Variants in TNFSF4 observed in about 807,000 individuals in gnomAD.
TNFSF4 encodes the protein TNF superfamily member 4, also known as tumor necrosis factor ligand superfamily member 4.
A neutral mutation model predicts 7.3 loss-of-function variants in TNFSF4; 4 were observed. That is an observed-to-expected ratio of 0.55 (90% CI 0.27 to 1.25). The LOEUF is 1.25. Ranked by LOEUF, TNFSF4 falls within the 50% of genes most tolerant of loss-of-function variation. TNFSF4 has a pLI of 0.12. For synonymous variants in TNFSF4, 76 were observed against 83.7 expected (o/e 0.91, Z 0.50); for missense variants, 181 against 208.8 (o/e 0.87, Z 0.82).
the TNFSF4 span, among the ~76,000 whole-genome samples, chr1:173,395,389 T>C: frequency 1.3e-5 from 1 of 74,850 alleles, no homozygotes; most frequent in Non-Finnish European, 2.7e-5. Flanking sequence ...TATATATATA[T>C]ATATATATAT....
the TNFSF4 span, among the ~76,000 whole-genome samples, chr1:173,425,281 A>G: frequency 1.3e-5 from 2 of 152,230 alleles, no homozygotes; most frequent in Admixed American, 6.5e-5. Context: ...AGTGCTCCAT[A>G]AGAATAGCTG....
At chr1:173,229,095 C>T in the TNFSF4 span, among the ~76,000 whole-genome samples, 1 of 152,146 alleles carries the variant, frequency 6.6e-6, no homozygotes. Context: ...CAAAGATACT[C>T]CTCAAGAAGA....
At chr1:173,356,311 T>G in the TNFSF4 span, among the ~76,000 whole-genome samples, 32 of 152,204 alleles carry the variant, frequency 2.1e-4, no homozygotes, top group African/African-American at 7.7e-4. Flanking sequence ...AATTCCATTT[T>G]GATGAGAAGG....
At chr1:173,323,574 G>A in the TNFSF4 span, among the ~76,000 whole-genome samples, 2 of 152,194 alleles carry the variant, frequency 1.3e-5, no homozygotes, top group East Asian at 3.8e-4. Flanking sequence ...TGAGCTAAAG[G>A]AGGAAGTTCG....
At chr1:173,290,510 G>C in the TNFSF4 span, among the ~76,000 whole-genome samples, 50 of 152,262 alleles carry the variant, frequency 3.3e-4, no homozygotes, top group Non-Finnish European at 5.4e-4. Context: ...ATTACATAAT[G>C]ATAAAGAGTT....
the TNFSF4 span, among the ~76,000 whole-genome samples, chr1:173,280,579 A>G: frequency 3.9e-5 from 6 of 152,166 alleles, no homozygotes; most frequent in Non-Finnish European, 8.8e-5. Context: ...AACAACGACA[A>G]GTTAGTTTTT....
At chr1:173,210,436 G>C (rs534554998), upstream of TNFSF4, among the ~76,000 whole-genome samples, 4 of 152,196 alleles carry the variant, frequency 2.6e-5, no homozygotes, top group Non-Finnish European at 4.4e-5. Flanking sequence ...GTTGGGCCAG[G>C]AGTGAGGGCA....
At chr1:173,192,461 C>A (rs1408330122) in intron 1 of TNFSF4, among the ~76,000 whole-genome samples, 1 of 152,150 alleles carries the variant, frequency 6.6e-6, no homozygotes, top group Non-Finnish European at 1.5e-5. Context: ...AGAAGCCAAT[C>A]TGAAAACGGT....
chr1:173,268,936 G>T, the TNFSF4 span, among the ~76,000 whole-genome samples: 1 of 152,088 alleles, frequency 6.6e-6, no homozygotes, highest in Non-Finnish European at 1.5e-5. Flanking sequence ...CTTAAGTGGT[G>T]CTGATAAAGA....
chr1:173,226,496 C>T, the TNFSF4 span, among the ~76,000 whole-genome samples: 2 of 152,110 alleles, frequency 1.3e-5, no homozygotes, highest in Non-Finnish European at 2.9e-5. Context: ...GAATGTGGAC[C>T]CATGATTGAC....
At chr1:173,327,897 T>G in the TNFSF4 span, among the ~76,000 whole-genome samples, 1 of 151,926 alleles carries the variant, frequency 6.6e-6, no homozygotes, top group Non-Finnish European at 1.5e-5. Context: ...CACTTTCACA[T>G]TGTTGGTGGG....
the TNFSF4 span, among the ~76,000 whole-genome samples, chr1:173,358,871 G>T: frequency 6.6e-6 from 1 of 152,210 alleles, no homozygotes; most frequent in Non-Finnish European, 1.5e-5. Flanking sequence ...GCTATATGCT[G>T]TTTAAAGTCA....
the TNFSF4 span, among the ~76,000 whole-genome samples, chr1:173,332,145 A>G: frequency 1.1e-4 from 16 of 152,158 alleles, no homozygotes; most frequent in African/African-American, 3.1e-4. Flanking sequence ...GCCTAGGGAC[A>G]TCTCCTAGGT....
the TNFSF4 span, among the ~76,000 whole-genome samples, chr1:173,228,802 A>G: frequency 6.6e-6 from 1 of 152,242 alleles, no homozygotes; most frequent in Non-Finnish European, 1.5e-5. Flanking sequence ...TCAGTAGCTG[A>G]TTCAATCAAC....
chr1:173,217,154 T>C, the TNFSF4 span, among the ~76,000 whole-genome samples: 2 of 152,226 alleles, frequency 1.3e-5, no homozygotes, highest in African/African-American at 4.8e-5. Context: ...GGGTTATGCA[T>C]GTATGTGCTT....
At chr1:173,210,090 G>A (rs1650323866), upstream of TNFSF4, among the ~76,000 whole-genome samples, 2 of 150,720 alleles carry the variant, frequency 1.3e-5, no homozygotes, top group African/African-American at 4.9e-5. Flanking sequence ...TTTGGTGTCT[G>A]GGTTTTGGTT....
intron 1 of TNFSF4, among the ~76,000 whole-genome samples, chr1:173,193,875 T>C (rs1341808363): frequency 6.6e-6 from 1 of 152,104 alleles, no homozygotes; most frequent in Non-Finnish European, 1.5e-5. Context: ...TGGCAGCAGC[T>C]GATAATGCAA....
chr1:173,227,113 T>A, the TNFSF4 span, among the ~76,000 whole-genome samples: 1 of 28,928 alleles, frequency 3.5e-5, no homozygotes, highest in African/African-American at 5.9e-4. Flanking sequence ...TATTCTTTTG[T>A]TTTTTTTTTT....
At chr1:173,306,485 G>A in the TNFSF4 span, among the ~76,000 whole-genome samples, 380 of 152,004 alleles carry the variant, frequency 2.5e-3, 2 homozygotes, top group African/African-American at 4.1e-3. Flanking sequence ...TTCACCATAC[G>A]GTTATAGTCT....
Sources: allele counts gnomAD v4.1 joint callset (sites outside exome capture counted in the v4.1 genomes callset), GRCh38; gene constraint gnomAD v4.1.1; transcripts MANE v1.5; gene names NCBI Gene and HGNC (gene_info 2026-07-23, HGNC 2026-07-21).